LOXHD1: variants seen among roughly 807,000 people sequenced by gnomAD.
The protein encoded by LOXHD1 is lipoxygenase homology domain-containing protein 1.
LOXHD1 carries 205 observed loss-of-function variants against 248.2 expected under a neutral mutation model. The observed-to-expected ratio is 0.83, with a 90% confidence interval of 0.74 to 0.93. The LOEUF (loss-of-function observed/expected upper bound fraction) is 0.93, where lower values mean the gene tolerates loss of function less well. Among genes scored for constraint, LOXHD1 ranks in the 40% least tolerant of loss-of-function variants. The probability of loss-of-function intolerance (pLI) is 0.00; values close to 1 mark genes in which losing one functional copy is unlikely to be tolerated. For synonymous variants in LOXHD1, 1,113 were observed against 1,162.8 expected (o/e 0.96, Z 0.87); for missense variants, 2,930 against 2,971.6 (o/e 0.99, Z 0.33).
rs1392157021 is a variant in LOXHD1 at position 46,594,472 on chromosome 18, G to A, written c.1135-6C>T. 1.9e-6 allele frequency: 3 copies of A among 1,551,254 alleles called. No individual in the cohort carries two copies. The East Asian group carries it at 7.3e-5, about 38-fold the overall frequency. ...AAGGGGCACAGAATCACCACCTGGG[G>A]AGAGTGGAGCACAGTGTCTCCGGCA... On this transcript the variant is annotated splice_region_variant and splice_polypyrimidine_tract_variant and intron_variant, in intron 8 of 40. Transcript: ENST00000642948.
intron 22 of LOXHD1, among the ~76,000 whole-genome samples, chr18:46,546,152 A>T (rs918822696): frequency 6.6e-6 from 1 of 151,872 alleles, no homozygotes; most frequent in African/African-American, 2.4e-5. Context: ...AGTTTTAGGG[A>T]TGCATATTTC....
chr18:46,574,262 C>G (rs563257529), intron 14 of LOXHD1, among the ~76,000 whole-genome samples: 27 of 152,014 alleles, frequency 1.8e-4, no homozygotes, highest in Non-Finnish European at 3.2e-4. Flanking sequence ...CAAATATAGC[C>G]AGTTTCTTTC....
chr18:46,574,078 C>A (rs2037807438), intron 14 of LOXHD1, among the ~76,000 whole-genome samples: 2 of 152,234 alleles, frequency 1.3e-5, no homozygotes, highest in African/African-American at 2.4e-5. Flanking sequence ...AACGCATTCA[C>A]AGGGCAGTGA....
intron 35 of LOXHD1, 60 bp downstream of exon 35, chr18:46,509,638 G>A (rs1184422994): frequency 7.9e-7 from 1 of 1,264,376 alleles, no homozygotes; most frequent in Non-Finnish European, 1.1e-6. Context: ...ACAAGCCAGA[G>A]GAACCAGGGG....
intron 37 of LOXHD1, among the ~76,000 whole-genome samples, chr18:46,503,008 T>C (rs2034331719): frequency 6.6e-6 from 1 of 152,202 alleles, no homozygotes; most frequent in Non-Finnish European, 1.5e-5. Flanking sequence ...AGACCTGGTA[T>C]TTCTCAGCTC....
In LOXHD1 at chr18:46,486,951, C is replaced by T. The variant is rs746164486; in HGVS notation, c.6050-1800G>A. 5.9e-5 allele frequency among the ~76,000 whole-genome samples: 9 copies of T among 152,150 alleles called. No individual in the cohort carries two copies. In the South Asian group the frequency reaches 6.2e-4, roughly 11 times the overall value. ...TTTTCACCTTGCTTACTTTCCCACA[C>T]GAAGCGGCTTGATAAAAATGTAGAA... On this transcript the variant is annotated intron_variant, in intron 38 of 40. Transcript: ENST00000642948.
intron 12 of LOXHD1, among the ~76,000 whole-genome samples, chr18:46,590,263 C>T (rs1465194742): frequency 6.6e-6 from 1 of 152,044 alleles, no homozygotes; most frequent in Non-Finnish European, 1.5e-5. Flanking sequence ...AACAAGCCCT[C>T]CTGGGGATAA....
chr18:46,596,815 TG>T (rs1178994970), intron 8 of LOXHD1, among the ~76,000 whole-genome samples: 3 of 152,178 alleles, frequency 2.0e-5, no homozygotes, highest in Non-Finnish European at 4.4e-5. Context: ...CAGAAGATAC[TG>T]GGGAGGAAAA....
At position 46,579,640 on chromosome 18, in the gene LOXHD1, T is replaced by C; in HGVS notation, c.1799A>G (p.Glu600Gly). ...ATTGCTGTAACTTACATTGCCCTTT[T>C]CAAACAGGTCTGTGTTATTCCTGCA... ...YNCRNNTDLF[E>G]KGNADEFTIE... The change falls in exon 13 of 41, where the codon GAA (glutamate) becomes GGA (glycine). Residue 600 changes from glutamate to glycine, a missense_variant. Coordinates refer to ENST00000642948, the MANE Select transcript of LOXHD1 (RefSeq NM_001384474.1). 6.4e-7 allele frequency: 1 copy of C among 1,551,656 alleles called. No homozygotes were observed. Among genetic ancestry groups the C allele is most frequent in the Non-Finnish European group, 8.7e-7 (1 of 1,146,974 alleles).
intron 40 of LOXHD1, 68 bp from the exon 41 acceptor site, chr18:46,478,020 C>T (rs2032182741): frequency 1.3e-6 from 2 of 1,491,010 alleles, no homozygotes; most frequent in African/African-American, 1.4e-5. Flanking sequence ...GCTCCCTCCC[C>T]CAGATCCCCT....
chr18:46,644,334 G>C lies in LOXHD1; in HGVS notation c.246-2298C>G, dbSNP rs932792611. ...GAAGGAAAGCAGCTGGCTTTCTGGG[G>C]TGCTTCTGATGAAAGTTCCAGAAAA... is the stretch of plus-strand genomic sequence containing the variant. On this transcript the variant is annotated intron_variant, in intron 2 of 40. Coordinates refer to ENST00000642948, the MANE Select transcript of LOXHD1 (RefSeq NM_001384474.1). Among the ~76,000 whole-genome samples, 8 of 152,312 alleles carry C rather than the reference G, an allele frequency of 5.3e-5. No individual in the cohort carries two copies. The South Asian group carries it at 1.7e-3, about 32-fold the overall frequency.
chr18:46,554,363 A>T (rs1476483920), intron 21 of LOXHD1, among the ~76,000 whole-genome samples: 1 of 152,170 alleles, frequency 6.6e-6, no homozygotes, highest in Non-Finnish European at 1.5e-5. Flanking sequence ...TTTGGCTGCA[A>T]AGGCCTTATT....
chr18:46,543,633 G>C (rs1045109217), intron 23 of LOXHD1, among the ~76,000 whole-genome samples: 1 of 151,968 alleles, frequency 6.6e-6, no homozygotes, highest in Non-Finnish European at 1.5e-5. Context: ...TGTTCTCACT[G>C]TTCAACTCAC....
chr18:46,520,411 C>T (rs938498570), intron 33 of LOXHD1: 1 of 414,368 alleles, frequency 2.4e-6, no homozygotes, highest in Admixed American at 3.1e-5. Flanking sequence ...AAAAGAGAAA[C>T]CCACAGGGTC....
At chr18:46,481,538 G>A (rs549223656) in intron 40 of LOXHD1, among the ~76,000 whole-genome samples, 3 of 152,176 alleles carry the variant, frequency 2.0e-5, no homozygotes, top group Non-Finnish European at 2.9e-5. Flanking sequence ...AAAGGGCAGC[G>A]TGAAGCACAA....
chr18:46,652,945 G>A (rs1431060072), intron 1 of LOXHD1, among the ~76,000 whole-genome samples: 1 of 152,144 alleles, frequency 6.6e-6, no homozygotes, highest in Non-Finnish European at 1.5e-5. Context: ...CACACTGTAT[G>A]GTTCCATTTA....
chr18:46,478,004 G>T (rs754056462), intron 40 of LOXHD1, 52 bp from the exon 41 acceptor site: 17 of 1,508,460 alleles, frequency 1.1e-5, no homozygotes, highest in Non-Finnish European at 1.5e-5. Flanking sequence ...GACCCCAGCC[G>T]AGGCTGCTCC....
At position 46,524,713 on chromosome 18, in the gene LOXHD1, C is replaced by T. The variant is rs1411493135; in HGVS notation, c.4735G>A (p.Glu1579Lys). 35 of 1,551,596 alleles carry T rather than the reference C, an allele frequency of 2.3e-5. No homozygotes were observed. Among genetic ancestry groups the T allele is most frequent in the Admixed American group, 7.8e-5 (4 of 50,986 alleles). The change falls in exon 30 of 41, where the codon GAG becomes AAG. Residue 1579 changes from glutamate (E) to lysine (K), a missense_variant. By Grantham distance (56) the Glu-to-Lys change is moderately conservative. Transcript: ENST00000642948. ...CTATATACCCCTTGGCTCACCTTCT[C>T]GTAAAAGAGCCTCTCGAGTCGCCCA... is the stretch of plus-strand genomic sequence containing the variant. ...EDGRLERLFY[E>K]KEYTGDRSSN... is the part of the protein sequence containing the mutation.
chr18:46,553,821 T>A (rs1472809157), intron 21 of LOXHD1, among the ~76,000 whole-genome samples: 1 of 152,060 alleles, frequency 6.6e-6, no homozygotes, highest in African/African-American at 2.4e-5. Flanking sequence ...AAGGTGACAT[T>A]TGAGCAGAGG....
Sources: gnomAD v4.1 joint callset for allele counts (sites outside exome capture counted in the v4.1 genomes callset) on GRCh38, gnomAD v4.1.1 for gene constraint, MANE v1.5 for transcripts, NCBI Gene and HGNC (gene_info 2026-07-23, HGNC 2026-07-21) for gene names.